The following GABRA3 variants were observed in gnomAD, a reference collection of about 807,000 sequenced individuals.
GABRA3 encodes the protein gamma-aminobutyric acid receptor subunit alpha-3.
In GABRA3, 10 loss-of-function variants were observed where a neutral mutation model predicts 30.1. The observed-to-expected ratio is 0.33, with a 90% CI of 0.20 to 0.56. The LOEUF (loss-of-function observed/expected upper bound fraction) is 0.56. GABRA3 is among the 20% of genes least tolerant of loss of function. The pLI is 0.89. For missense variants in GABRA3, 233 were observed against 392.0 expected (o/e 0.59, Z 3.42); for synonymous variants, 151 against 146.8 (o/e 1.03, Z -0.21).
intron 1 of GABRA3, among the ~76,000 whole-genome samples, chrX:152,369,214 T>C (rs751693988): frequency 9.0e-6 from 1 of 111,412 alleles, no homozygotes; most frequent in African/African-American, 3.3e-5. Context: ...ATATACCTAT[T>C]GGCCCCTTGT....
In GABRA3 at chrX:152,208,164, A is replaced by G; in HGVS notation, c.635-20T>C. ...AGGCATCTAAGGCAGAGAAGGGTCA[A>G]TAAAGAGAAGTTGAAGGAAATGGAG... On this transcript the variant is annotated intron_variant, in intron 6 of 9. Transcript: ENST00000370314. The G allele has an allele frequency of 1.7e-6, 2 of 1,200,251 alleles. No individual in the cohort carries two copies. The highest frequency in any genetic ancestry group is 2.2e-5 in the Admixed American group (1 of 45,045).
At chrX:152,254,482 TCTC>T (rs1284847099) in intron 5 of GABRA3, among the ~76,000 whole-genome samples, 1 of 110,378 alleles carries the variant, frequency 9.1e-6, no homozygotes, top group African/African-American at 3.3e-5. Flanking sequence ...TAATTAGTCT[TCTC>T]CTCCCCTCTT....
chrX:152,375,507 G>A (rs1171432215), intron 1 of GABRA3, among the ~76,000 whole-genome samples: 1 of 112,044 alleles, frequency 8.9e-6, no homozygotes, highest in Non-Finnish European at 1.9e-5. Flanking sequence ...GTTCTAGTCT[G>A]TTGATCCTTT....
At chrX:152,361,037 G>A (rs1314409059) in intron 2 of GABRA3, among the ~76,000 whole-genome samples, 1 of 104,438 alleles carries the variant, frequency 9.6e-6, no homozygotes, top group Admixed American at 1.0e-4. Flanking sequence ...GTTACAATGA[G>A]CTATGATCAC....
chrX:152,372,836 A>T (rs1354421670), intron 1 of GABRA3, among the ~76,000 whole-genome samples: 1 of 112,190 alleles, frequency 8.9e-6, no homozygotes, highest in Non-Finnish European at 1.9e-5. Flanking sequence ...GATTTATATT[A>T]TAGACACTAC....
At position 152,225,432 on chromosome X, in the gene GABRA3, G is replaced by GCACACACACACA. The variant is rs60046142; in HGVS notation, c.552-599_552-588dup. Among the ~76,000 whole-genome samples the GCACACACACACA allele has an allele frequency of 6.2e-3, 594 of 96,516 alleles. 7 individuals are homozygous for GCACACACACACA. The highest frequency in any genetic ancestry group is 0.021 in the African/African-American group (561 of 26,473). 83.8% of individuals were successfully genotyped at this position (96,516 alleles called of 115,157 possible). ...CACACACACACGCACACACACACAC[G>GCACACACACACA]CACACACACACACACACACACACAC... is the stretch of plus-strand genomic sequence containing the variant. On this transcript the variant is annotated intron_variant, in intron 5 of 9. Transcript: ENST00000370314.
chrX:152,363,101 A>G (rs1397695694), intron 2 of GABRA3, among the ~76,000 whole-genome samples: 2 of 111,749 alleles, frequency 1.8e-5, no homozygotes, highest in Non-Finnish European at 3.8e-5. Flanking sequence ...AGGTAACTAC[A>G]TCATAGAAAT....
intron 4 of GABRA3, among the ~76,000 whole-genome samples, chrX:152,273,069 C>A (rs1938977076): frequency 9.0e-6 from 1 of 111,689 alleles, no homozygotes; most frequent in Admixed American, 9.6e-5. Flanking sequence ...ATATAAGCCG[C>A]TCAAACAACT....
At chrX:152,213,878 T>A (rs920617347) in intron 6 of GABRA3, among the ~76,000 whole-genome samples, 11 of 112,042 alleles carry the variant, frequency 9.8e-5, no homozygotes, top group Middle Eastern at 9.2e-3. Context: ...TTGTCAAAAA[T>A]CAGTTGGCTG....
Position 152,227,609 on chromosome X carries a change from T to TTTA in GABRA3, c.552-2765_552-2764insTAA, listed in dbSNP as rs755089396. ...ATTAAATGGGTTACATTTTTTTTTT[T>TTTA]AAAAAAAAAAGAACATTCCCATCAG... is the stretch of plus-strand genomic sequence containing the variant. On this transcript the variant is annotated intron_variant, in intron 5 of 9. Coordinates refer to ENST00000370314, the MANE Select transcript of GABRA3 (RefSeq NM_000808.4). 1.7e-4 allele frequency among the ~76,000 whole-genome samples: 17 copies of TTTA among 99,764 alleles called. 1 individual carries two copies. Among genetic ancestry groups the TTTA allele is most frequent in the Middle Eastern group, 0.01 (2 of 200 alleles). 86.6% of individuals were successfully genotyped at this position (99,764 alleles called of 115,157 possible). A position where few individuals can be genotyped will look rare whatever the true frequency, so the allele number is the denominator to read the frequency against.
intron 6 of GABRA3, among the ~76,000 whole-genome samples, chrX:152,209,931 A>G: frequency 8.9e-6 from 1 of 112,362 alleles, no homozygotes; most frequent in Non-Finnish European, 1.9e-5. Flanking sequence ...AGTCTCAGTC[A>G]TTTCTTCAAC....
At chrX:152,237,078 T>C (rs1196368794) in intron 5 of GABRA3, among the ~76,000 whole-genome samples, 1 of 110,411 alleles carries the variant, frequency 9.1e-6, no homozygotes, top group Non-Finnish European at 1.9e-5. Flanking sequence ...CCCATGCCTA[T>C]GTCCTGAATG....
rs759384775 is a variant in GABRA3, at chrX:152,374,591, C to A, written c.-26-9995G>T. Among the ~76,000 whole-genome samples, 169 of 111,266 alleles carry A rather than the reference C, an allele frequency of 1.5e-3. 1 individual carries two copies. The highest frequency in any genetic ancestry group is 5.3e-3 in the African/African-American group (163 of 30,658). On this transcript the variant is annotated intron_variant, in intron 1 of 9. Coordinates refer to ENST00000370314, the MANE Select transcript of GABRA3 (RefSeq NM_000808.4). ...GGTCTCGATCTCCTGACCTCGTGAT[C>A]TGCCTGTCTCGGCCTCTCAAAGTGT... is the stretch of plus-strand genomic sequence containing the variant.
At chrX:152,361,571 CAAAAAAA>C (rs35341591) in intron 2 of GABRA3, among the ~76,000 whole-genome samples, 4 of 35,007 alleles carry the variant, frequency 1.1e-4, no homozygotes, top group Admixed American at 6.7e-4. Context: ...GACTCCATCT[CAAAAAAA>C]AAAAAAAAAA....
chrX:152,344,783 A>G (rs1940365852), intron 3 of GABRA3, among the ~76,000 whole-genome samples: 1 of 111,505 alleles, frequency 9.0e-6, no homozygotes, highest in Admixed American at 9.6e-5. Context: ...AAGACAAAGA[A>G]ATGCTGAGTG....
chrX:152,187,044 A>G (rs182377130), intron 9 of GABRA3, among the ~76,000 whole-genome samples: 39 of 112,188 alleles, frequency 3.5e-4, no homozygotes, highest in Non-Finnish European at 6.0e-4. Context: ...CTCAAGCTGT[A>G]TATCACTGAT....
chrX:152,182,522 A>G (rs1937171394), intron 9 of GABRA3, among the ~76,000 whole-genome samples: 1 of 83,067 alleles, frequency 1.2e-5, no homozygotes. Flanking sequence ...TATAGTATAC[A>G]CACTATATAT....
chrX:152,356,046 T>G (rs1423121778), intron 2 of GABRA3, among the ~76,000 whole-genome samples: 1 of 111,396 alleles, frequency 9.0e-6, no homozygotes, highest in African/African-American at 3.3e-5. Context: ...GATTAGATGC[T>G]CTCTACAGGT....
chrX:152,257,118 C>T (rs966477333), intron 4 of GABRA3, among the ~76,000 whole-genome samples: 16 of 111,812 alleles, frequency 1.4e-4, no homozygotes, highest in African/African-American at 5.2e-4. Flanking sequence ...GATAGTGGTC[C>T]ACTAAATGAA....
Sources: gnomAD v4.1 joint callset for allele counts (sites outside exome capture counted in the v4.1 genomes callset) on GRCh38, gnomAD v4.1.1 for gene constraint, MANE v1.5 for transcripts, NCBI Gene and HGNC (gene_info 2026-07-23, HGNC 2026-07-21) for gene names.